The following FAHD2A variants were observed in gnomAD, a reference collection of about 807,000 sequenced individuals.
FAHD2A encodes the protein oxaloacetate tautomerase FAHD2A, mitochondrial.
A neutral mutation model predicts 33.4 loss-of-function variants in FAHD2A; 27 were observed. The observed-to-expected ratio is 0.81, with a 90% CI of 0.60 to 1.11. FAHD2A has a LOEUF of 1.11. Ranked by LOEUF, FAHD2A falls within the 50% of genes most tolerant of loss-of-function variation. The probability of loss-of-function intolerance (pLI) is 0.00; values close to 1 mark genes in which losing one functional copy is unlikely to be tolerated. For missense variants in FAHD2A, 296 were observed against 395.0 expected, an observed-to-expected ratio of 0.75 and a Z score of 2.12; for synonymous variants, 130 against 153.3, an observed-to-expected ratio of 0.85 and a Z score of 1.12.
chr2:95,407,164 G>A lies in FAHD2A; in HGVS notation c.462+7G>A, dbSNP rs775800110. On this transcript the variant is annotated splice_region_variant and intron_variant, in intron 3 of 7. Transcript: ENST00000233379. The stretch of plus-strand genomic sequence containing the variant: ...CCTCCCACCACAGAGCCAGGTCAGT[G>A]TCTCCCCACTGCCCTCCCTAGTCAC... The A allele has an allele frequency of 6.9e-5, 112 of 1,611,926 alleles. No individual in the cohort carries two copies. The highest frequency in any genetic ancestry group is 9.2e-5 in the Non-Finnish European group (109 of 1,179,866).
chr2:95,410,657 G>C, intron 4 of FAHD2A, 71 bp downstream of exon 4: 1 of 1,592,398 alleles, frequency 6.3e-7, no homozygotes, highest in South Asian at 1.1e-5. Context: ...TCCTAGTTCT[G>C]ACCCCACTCA....
chr2:95,407,273 C>T, intron 3 of FAHD2A, 116 bp downstream of exon 3: 1 of 1,468,808 alleles, frequency 6.8e-7, no homozygotes, highest in Non-Finnish European at 9.3e-7. Context: ...AGCAGAAACT[C>T]TACAGGATTG....
chr2:95,413,366 T>TG lies in FAHD2A; in HGVS notation c.*410dup. On this transcript the variant is annotated 3_prime_UTR_variant, in exon 8 of 8. Transcript: ENST00000233379. ...ATGATTATATTTATAGCTAAGGGTT[T>TG]GCAGCCTCCTCTCCATCTTCTGGCT... 6.5e-7 allele frequency: 1 copy of TG among 1,545,282 alleles called. No individual in the cohort carries two copies. Among genetic ancestry groups the TG allele is most frequent in the South Asian group, 1.2e-5 (1 of 80,078 alleles).
chr2:95,412,565 C>G lies in FAHD2A; in HGVS notation c.794+23C>G, dbSNP rs1331683729. 14 of 1,613,222 alleles carry G rather than the reference C, an allele frequency of 8.7e-6. No individual in the cohort carries two copies. In the African/African-American group the frequency reaches 1.1e-4, roughly 12 times the overall value. On this transcript the variant is annotated intron_variant, in intron 6 of 7. Coordinates refer to ENST00000233379, the MANE Select transcript of FAHD2A (RefSeq NM_016044.3). ...CCAGTGAGTGACAGGGGCTGTCCTG[C>G]CAGCCCCGCTTCACCTGCCACACAT...
At chr2:95,407,367 T>C in intron 3 of FAHD2A, 1 of 673,738 alleles carries the variant, frequency 1.5e-6, no homozygotes, top group South Asian at 2.0e-5. Flanking sequence ...ACCTTCACTG[T>C]AGATAATAAA....
At chr2:95,409,588 C>T (rs1300580938) in intron 3 of FAHD2A, among the ~76,000 whole-genome samples, 3 of 152,320 alleles carry the variant, frequency 2.0e-5, no homozygotes, top group Non-Finnish European at 2.9e-5. Flanking sequence ...GGATTACAGA[C>T]GTGACCCACC....
intron 3 of FAHD2A, among the ~76,000 whole-genome samples, chr2:95,408,326 C>G (rs1435020942): frequency 2.0e-5 from 3 of 152,114 alleles, no homozygotes; most frequent in Non-Finnish European, 4.4e-5. Flanking sequence ...CAACCAAGGC[C>G]ACACACTGTA....
Position 95,414,562 on chromosome 2 carries a change from G to A in FAHD2A, c.*1605G>A, listed in dbSNP as rs1001185598. 5 of 288,318 alleles carry A rather than the reference G, an allele frequency of 1.7e-5. No homozygotes were observed. The highest frequency in any genetic ancestry group is 3.5e-5 in the South Asian group (1 of 28,274). 17.9% of individuals were successfully genotyped at this position (288,318 alleles called of 1,614,324 possible). ...CTGCCTCACTGGACAGCCTCTCCGC[G>A]GCCTTCCTCCTCCCTGCTCCAGAAT... On this transcript the variant is annotated 3_prime_UTR_variant, in exon 8 of 8. Transcript: ENST00000233379.
chr2:95,420,649 T>G (rs58424369), downstream of FAHD2A, among the ~76,000 whole-genome samples: 397 of 146,004 alleles, frequency 2.7e-3, 5 homozygotes, highest in African/African-American at 8.2e-3. Flanking sequence ...AAGAGAGAGA[T>G]AAAAAAAGAA....
At chr2:95,407,843 A>G (rs761975316) in intron 3 of FAHD2A, among the ~76,000 whole-genome samples, 2 of 152,240 alleles carry the variant, frequency 1.3e-5, no homozygotes, top group Non-Finnish European at 2.9e-5. Context: ...AGTAGTGTAT[A>G]TACCCTTTCT....
intron 2 of FAHD2A, 112 bp downstream of exon 2, chr2:95,405,915 C>T (rs1167698015): frequency 7.3e-6 from 9 of 1,228,218 alleles, no homozygotes; most frequent in South Asian, 1.6e-5. Context: ...GCAGAGTAAC[C>T]CCACCTTTCC....
At chr2:95,403,663 A>G (rs1397281872) in intron 1 of FAHD2A, among the ~76,000 whole-genome samples, 2 of 152,200 alleles carry the variant, frequency 1.3e-5, no homozygotes, top group Non-Finnish European at 2.9e-5. Flanking sequence ...CTTCTGAACC[A>G]AGGACTTCAT....
intron 4 of FAHD2A, 51 bp from the exon 5 acceptor site, chr2:95,410,813 G>T: frequency 6.2e-7 from 1 of 1,606,992 alleles, no homozygotes; most frequent in Non-Finnish European, 8.5e-7. Flanking sequence ...ATAGGTGTTG[G>T]TGTCACCCAT....
At chr2:95,417,909 A>G (rs865838935), downstream of FAHD2A, among the ~76,000 whole-genome samples, 3 of 152,114 alleles carry the variant, frequency 2.0e-5, no homozygotes, top group Admixed American at 6.5e-5. Context: ...TAGGGTTTCA[A>G]CATACATTTG....
downstream of FAHD2A, among the ~76,000 whole-genome samples, chr2:95,420,998 T>C (rs1424992611): frequency 2.3e-5 from 3 of 129,360 alleles, no homozygotes; most frequent in African/African-American, 9.5e-5. Context: ...TTGTTGTGAA[T>C]GAACCTCTGT....
At chr2:95,409,191 G>GTAAT (rs59156228) in intron 3 of FAHD2A, among the ~76,000 whole-genome samples, 45,506 of 151,840 alleles carry the variant, frequency 0.3, 7,414 homozygotes, top group Admixed American at 0.35. Flanking sequence ...TTCTATTTTT[G>GTAAT]TAATAAGCAA....
rs1682878434 is a variant in FAHD2A at position 95,413,699 on chromosome 2, A to G, written c.*742A>G. The G allele has an allele frequency of 1.5e-5, 15 of 1,021,620 alleles. No individual in the cohort carries two copies. The highest frequency in any genetic ancestry group is 3.0e-5 in the Admixed American group (1 of 33,714). The allele number at this position is 1,021,620 out of a possible 1,614,324, so 63.3% of individuals were successfully genotyped here. A position where few individuals can be genotyped will look rare whatever the true frequency, so the allele number is the denominator to read the frequency against. On this transcript the variant is annotated 3_prime_UTR_variant, in exon 8 of 8. Coordinates refer to ENST00000233379, the MANE Select transcript of FAHD2A (RefSeq NM_016044.3). The stretch of plus-strand genomic sequence containing the variant: ...CCTTAGGCCTCAGTGTTTGAGTGCA[A>G]ATGCTGCCTCAAAGCAGCCCCAATA...
At chr2:95,403,867 A>G (rs546641690) in intron 1 of FAHD2A, among the ~76,000 whole-genome samples, 1 of 152,374 alleles carries the variant, frequency 6.6e-6, no homozygotes, top group South Asian at 2.1e-4. Flanking sequence ...GTTGGCATTC[A>G]GCGGCAGCAG....
chr2:95,403,782 A>T (rs1282126166), intron 1 of FAHD2A, among the ~76,000 whole-genome samples: 1 of 152,246 alleles, frequency 6.6e-6, no homozygotes, highest in Non-Finnish European at 1.5e-5. Context: ...TTTCATCTGT[A>T]AAATGAGGCT....
Sources: allele counts gnomAD v4.1 joint callset (sites outside exome capture counted in the v4.1 genomes callset), GRCh38; gene constraint gnomAD v4.1.1; transcripts MANE v1.5; gene names NCBI Gene and HGNC (gene_info 2026-07-23, HGNC 2026-07-21).